WDPCP: variants seen among roughly 807,000 people sequenced by gnomAD.
WDPCP encodes WD repeat-containing and planar cell polarity effector protein fritz homolog.
A neutral mutation model predicts 93.1 loss-of-function variants in WDPCP; 71 were observed. The observed-to-expected ratio is 0.76, with a 90% confidence interval of 0.63 to 0.93. The LOEUF is 0.93. Ranked by LOEUF, WDPCP falls within the 40% of genes least tolerant of loss-of-function variation. WDPCP has a pLI of 0.00. For missense variants in WDPCP, 844 were observed against 887.4 expected (o/e 0.95, Z 0.62); for synonymous variants, 315 against 315.0 (o/e 1.00, Z 0.00).
chr2:63,281,142 C>A (rs1683507916), intron 13 of WDPCP, among the ~76,000 whole-genome samples: 1 of 151,702 alleles, frequency 6.6e-6, no homozygotes. Flanking sequence ...AAAAAAAACC[C>A]AACAATCCCA....
intron 12 of WDPCP, among the ~76,000 whole-genome samples, chr2:63,348,493 ATATTTCTAAAGACAT>A (rs1689348662): frequency 6.6e-6 from 1 of 152,196 alleles, no homozygotes; most frequent in African/African-American, 2.4e-5. Flanking sequence ...TGTTGGTGTT[ATATTTCTAAAGACAT>A]TATTTCTAAG....
rs749592089 is a variant in WDPCP, at chr2:63,599,299, A to G, written n.488+51360T>C. 3.7e-6 allele frequency: 6 copies of G among 1,607,712 alleles called. No individual in the cohort carries two copies. The Admixed American group carries it at 1.0e-4, about 27-fold the overall frequency. On this transcript the variant is annotated intron_variant and non_coding_transcript_variant, in intron 3 of 4. Transcript: ENST00000467687. ...CAACCGAGCTAAAGCTCAAGTAAGA[A>G]AAATATATTTTAAATCTTGTGGTTG... is the stretch of plus-strand genomic sequence containing the variant.
At chr2:63,560,750 C>A (rs1243026941) in intron 1 of WDPCP, among the ~76,000 whole-genome samples, 1 of 152,150 alleles carries the variant, frequency 6.6e-6, no homozygotes, top group Non-Finnish European at 1.5e-5. Context: ...CCAAACACTG[C>A]ATGTTCTCAC....
In WDPCP at chr2:63,378,431, T is replaced by C; in HGVS notation, c.1703A>G (p.Asp568Gly). 6.2e-7 allele frequency: 1 copy of C among 1,613,238 alleles called. No individual in the cohort carries two copies. Among genetic ancestry groups the C allele is most frequent in the South Asian group, 1.1e-5 (1 of 91,068 alleles). ...LLDSTILEYRDQISKYARRFF... is the reference protein window; with the variant it reads ...LLDSTILEYRGQISKYARRFF... ...TCTCCTTGCATATTTGCTGATTTGA[T>C]CTCTATATTCCAATATAGTGGAATC... Residue 568 changes from aspartate (D) to glycine (G), a missense_variant, in exon 12 of 18, where the codon GAT becomes GGT. By Grantham distance (94) the Asp-to-Gly change is moderately conservative. Transcript: ENST00000272321.
At chr2:63,480,948 C>CA (rs1700231428) in intron 6 of WDPCP, among the ~76,000 whole-genome samples, 1 of 152,084 alleles carries the variant, frequency 6.6e-6, no homozygotes, top group East Asian at 1.9e-4. Flanking sequence ...AGTAAACAGA[C>CA]AACCCACAAA....
intron 1 of WDPCP, among the ~76,000 whole-genome samples, chr2:63,507,780 T>A (rs1384708829): frequency 2.0e-5 from 3 of 151,978 alleles, no homozygotes; most frequent in African/African-American, 7.3e-5. Context: ...GAGAACTTCA[T>A]GAAGCATACA....
At chr2:63,363,433 A>C (rs1239334441) in intron 12 of WDPCP, among the ~76,000 whole-genome samples, 1 of 152,042 alleles carries the variant, frequency 6.6e-6, no homozygotes, top group African/African-American at 2.4e-5. Flanking sequence ...CCCTATCTCT[A>C]CAAAAAATTT....
chr2:63,705,064 A>C (rs1165929348), intron 2 of WDPCP, among the ~76,000 whole-genome samples: 1 of 152,188 alleles, frequency 6.6e-6, no homozygotes, highest in East Asian at 1.9e-4. Flanking sequence ...CATTTCTTCT[A>C]GATTTTCTAG....
chr2:63,531,044 C>T (rs1340606731), intron 1 of WDPCP, among the ~76,000 whole-genome samples: 1 of 152,246 alleles, frequency 6.6e-6, no homozygotes, highest in Non-Finnish European at 1.5e-5. Context: ...GATTATATCC[C>T]ACGCCTGGCT....
At chr2:63,663,953 T>C (rs750418755) in intron 2 of WDPCP, among the ~76,000 whole-genome samples, 2 of 152,146 alleles carry the variant, frequency 1.3e-5, no homozygotes, top group African/African-American at 2.4e-5. Context: ...CCACCGCACC[T>C]TTAACCCAAG....
chr2:63,253,614 AC>A (rs1461096949), intron 14 of WDPCP, among the ~76,000 whole-genome samples: 1 of 152,180 alleles, frequency 6.6e-6, no homozygotes, highest in Non-Finnish European at 1.5e-5. Context: ...AAGCAGACAT[AC>A]AAGCAGTCAA....
At chr2:63,392,315 G>A (rs1285433642) in intron 10 of WDPCP, among the ~76,000 whole-genome samples, 2 of 152,168 alleles carry the variant, frequency 1.3e-5, no homozygotes, top group Non-Finnish European at 2.9e-5. Flanking sequence ...AATGGTGCTG[G>A]GAAAACTGGC....
intron 3 of WDPCP, among the ~76,000 whole-genome samples, chr2:63,644,573 A>G (rs1392356325): frequency 6.6e-6 from 1 of 152,102 alleles, no homozygotes; most frequent in Non-Finnish European, 1.5e-5. Context: ...GGATAGTTTT[A>G]GGAGGATTGG....
chr2:63,699,483 A>G (rs1470912206), intron 2 of WDPCP, among the ~76,000 whole-genome samples: 1 of 152,188 alleles, frequency 6.6e-6, no homozygotes, highest in Non-Finnish European at 1.5e-5. Context: ...ATTCAGAGGG[A>G]CGGTTGTTCC....
intron 13 of WDPCP, among the ~76,000 whole-genome samples, chr2:63,268,831 G>T (rs1682381291): frequency 6.6e-6 from 1 of 152,028 alleles, no homozygotes; most frequent in Non-Finnish European, 1.5e-5. Context: ...AATTGGTAAG[G>T]TAACAATATG....
chr2:63,766,765 C>G (rs1010411544), intron 2 of WDPCP, among the ~76,000 whole-genome samples: 3 of 152,102 alleles, frequency 2.0e-5, no homozygotes, highest in Non-Finnish European at 4.4e-5. Context: ...AATTTACCAT[C>G]TTAACAATTT....
intron 15 of WDPCP, among the ~76,000 whole-genome samples, chr2:63,164,994 G>A (rs568914599): frequency 2.0e-4 from 30 of 152,126 alleles, no homozygotes; most frequent in Non-Finnish European, 3.4e-4. Flanking sequence ...TGTAGAATAT[G>A]ACAGCAAAAT....
At chr2:63,576,991 G>A (rs959195) in intron 1 of WDPCP, among the ~76,000 whole-genome samples, 122,317 of 152,204 alleles carry the variant, frequency 0.8, 49,814 homozygotes, top group East Asian at 0.98. Flanking sequence ...GTAGTTCCAC[G>A]ATGCAGTTTC....
Position 63,156,561 on chromosome 2 carries a change from C to G in WDPCP, c.2079-2987G>C, listed in dbSNP as rs148262838. 6.0e-3 allele frequency among the ~76,000 whole-genome samples: 915 copies of G among 151,950 alleles called. 25 individuals carry two copies. Among genetic ancestry groups the G allele is most frequent in the Admixed American group, 0.046 (695 of 15,274 alleles). On this transcript the variant is annotated intron_variant, in intron 15 of 17. Coordinates refer to ENST00000272321, the MANE Select transcript of WDPCP (RefSeq NM_015910.7). ...GACCCGTCTGGCCAACATGGTAAAA[C>G]CCCATCTCTACTAAAAATACAAAAA...
Sources: gnomAD v4.1 joint callset for allele counts (sites outside exome capture counted in the v4.1 genomes callset) on GRCh38, gnomAD v4.1.1 for gene constraint, MANE v1.5 for transcripts, NCBI Gene and HGNC (gene_info 2026-07-23, HGNC 2026-07-21) for gene names.